ACAD8: variants seen among roughly 807,000 people sequenced by gnomAD.
ACAD8 encodes isobutyryl-CoA dehydrogenase, mitochondrial.
A neutral mutation model predicts 53.1 loss-of-function variants in ACAD8; 47 were observed. The ratio of observed to expected loss-of-function variants is 0.89; its 90% CI spans 0.70 to 1.13. The LOEUF is 1.13. Among genes scored for constraint, ACAD8 ranks in the 50% most tolerant of loss-of-function variants. ACAD8 has a pLI of 0.00. For synonymous variants in ACAD8, 198 were observed against 201.3 expected (o/e 0.98, Z 0.14); for missense variants, 494 against 535.0 (o/e 0.92, Z 0.76).
rs1344518491 is a variant in ACAD8 at position 134,253,614 on chromosome 11, G to A, written c.14G>A (p.Gly5Asp). ...GCTGCGGCGGCTATGCTGTGGAGCGGCTGCCGGCGTTTCGGGGCGCGCCTC... is the reference window on the plus strand; with the variant it reads ...GCTGCGGCGGCTATGCTGTGGAGCGACTGCCGGCGTTTCGGGGCGCGCCTC... MLWS[G>D]CRRFGARLGC... The change falls in exon 1 of 11, where the codon GGC becomes GAC. Residue 5 changes from glycine to aspartate, a missense_variant. Gly to Asp is a moderately conservative substitution (Grantham distance 94). Coordinates refer to ENST00000281182, the MANE Select transcript of ACAD8 (RefSeq NM_014384.3). 3 of 1,580,882 alleles carry A rather than the reference G, an allele frequency of 1.9e-6. No individual in the cohort carries two copies. The highest frequency in any genetic ancestry group is 1.3e-5 in the African/African-American group (1 of 74,338).
chr11:134,258,238 T>C (rs1473052971), intron 3 of ACAD8: 2 of 494,348 alleles, frequency 4.0e-6, no homozygotes, highest in African/African-American at 3.9e-5. Context: ...CATATAACTC[T>C]GATTTTTAGA....
intron 6 of ACAD8, chr11:134,260,707 T>C (rs1939824736): frequency 5.3e-6 from 2 of 378,494 alleles, no homozygotes; most frequent in Middle Eastern, 8.9e-4. Context: ...AACTGGGAGA[T>C]TGTAGATAGT....
rs200508056 is a variant in ACAD8, at chr11:134,257,068, C to T, written c.211-20C>T. ...GTCTCTGAATCAGCTGCTGATCACC[C>T]TGCTCTCTTTTGTACATAGGAGCTG... is the stretch of plus-strand genomic sequence containing the variant. On this transcript the variant is annotated intron_variant, in intron 2 of 10. Transcript: ENST00000281182. The T allele has an allele frequency of 1.4e-3, 2,321 of 1,613,992 alleles. 3 individuals carry two copies. Among genetic ancestry groups the T allele is most frequent in the Non-Finnish European group, 1.9e-3 (2,192 of 1,179,984 alleles).
At chr11:134,257,055 GCTGCTGATCACC>G (rs1475760271) in intron 2 of ACAD8, 21 bp from the exon 3 acceptor site, 1 of 1,613,678 alleles carries the variant, frequency 6.2e-7, no homozygotes, top group African/African-American at 1.3e-5. Context: ...CTCTGAATCA[GCTGCTGATCACC>G]CTGCTCTCTT....
At chr11:134,258,410 T>A in intron 3 of ACAD8, 105 bp from the exon 4 acceptor site, 1 of 771,476 alleles carries the variant, frequency 1.3e-6, no homozygotes, top group Non-Finnish European at 2.3e-6. Flanking sequence ...TCTTCTGCTT[T>A]ACTCCACTGC....
Position 134,258,534 on chromosome 11 carries a change from G to T in ACAD8, c.400G>T (p.Asp134Tyr), listed in dbSNP as rs367857040. The change falls in exon 4 of 11, where the codon GAT becomes TAT. Residue 134 changes from aspartate (D) to tyrosine (Y), a missense_variant. Asp to Tyr is a radical substitution (Grantham distance 160). Transcript: ENST00000281182. ...TATCAGCATGTGTGCCTGGATGATT[G>T]ATAGCTTCGGAAATGAGGAACAGAG... ...SIHNMCAWMI[D>Y]SFGNEEQRHK... 9 of 1,613,152 alleles carry T rather than the reference G, an allele frequency of 5.6e-6. No homozygotes were observed. In the African/African-American group the frequency reaches 1.1e-4, roughly 19 times the overall value.
chr11:134,258,390 C>G, intron 3 of ACAD8, 125 bp from the exon 4 acceptor site: 1 of 719,962 alleles, frequency 1.4e-6, no homozygotes, highest in African/African-American at 1.7e-5. Context: ...TGTGACTCTC[C>G]CCTTCCCACT....
rs1421940404 is a variant in ACAD8, at chr11:134,259,744, A to C, written c.704A>C (p.Lys235Thr). Reference protein sequence around the residue: ...PGLSFGKKEKKVGWNSQPTRA... With the variant: ...PGLSFGKKEKTVGWNSQPTRA... ...CTCAGCTTTGGCAAGAAGGAGAAAAAGGTGAGTGGCTGTTGGACAGGAAAC... is the reference window on the plus strand; with the variant it reads ...CTCAGCTTTGGCAAGAAGGAGAAAACGGTGAGTGGCTGTTGGACAGGAAAC... The change falls in exon 6 of 11, where the codon AAG becomes ACG. Residue 235 changes from lysine (K) to threonine (T), a missense_variant and splice_region_variant. Coordinates refer to ENST00000281182, the MANE Select transcript of ACAD8 (RefSeq NM_014384.3). 14 of 1,614,054 alleles carry C rather than the reference A, an allele frequency of 8.7e-6. No individual in the cohort carries two copies. The highest frequency in any genetic ancestry group is 1.2e-5 in the Non-Finnish European group (14 of 1,180,036).
At chr11:134,263,473 G>A (rs1940024011) in intron 10 of ACAD8, 1 of 984,616 alleles carries the variant, frequency 1.0e-6, no homozygotes, top group Non-Finnish European at 1.2e-6. Flanking sequence ...AAGTCTTCAA[G>A]TGAGGCTGCC....
intron 1 of ACAD8, among the ~76,000 whole-genome samples, chr11:134,255,523 C>T (rs896197134): frequency 6.6e-6 from 1 of 152,210 alleles, no homozygotes; most frequent in African/African-American, 2.4e-5. Context: ...GAGCCATGGT[C>T]TACAGTAACA....
intron 3 of ACAD8, 113 bp from the exon 4 acceptor site, chr11:134,258,402 T>C: frequency 1.3e-6 from 1 of 747,998 alleles, no homozygotes; most frequent in Non-Finnish European, 2.4e-6. Flanking sequence ...CTTCCCACTC[T>C]TCTGCTTTAC....
chr11:134,257,703 C>T (rs1939627080), intron 3 of ACAD8: 1 of 265,360 alleles, frequency 3.8e-6, no homozygotes, highest in African/African-American at 2.2e-5. Context: ...TAAGTACACG[C>T]TAGGTCTGTT....
chr11:134,259,814 T>C, intron 6 of ACAD8, 69 bp downstream of exon 6: 2 of 1,611,738 alleles, frequency 1.2e-6, no homozygotes, highest in Non-Finnish European at 8.5e-7. Context: ...CAACTCCTGC[T>C]CTATTTCAGA....
rs1939451014 is a variant in ACAD8, at chr11:134,255,279, G to A, written c.110-1269G>A. Among the ~76,000 whole-genome samples the A allele has an allele frequency of 2.0e-5, 3 of 152,218 alleles. No individual in the cohort carries two copies. In the South Asian group the frequency reaches 6.2e-4, roughly 32 times the overall value. ...AGCCTCCCAAGTAGCTGGGATTACA[G>A]CACATGCCACCATGCCCAGCTAATT... On this transcript the variant is annotated intron_variant, in intron 1 of 10. Coordinates refer to ENST00000281182, the MANE Select transcript of ACAD8 (RefSeq NM_014384.3).
rs1245553838 is a variant in ACAD8 at position 134,261,258 on chromosome 11, G to C, written c.842-17G>C. On this transcript the variant is annotated splice_polypyrimidine_tract_variant and intron_variant, in intron 7 of 10. Coordinates refer to ENST00000281182, the MANE Select transcript of ACAD8 (RefSeq NM_014384.3). The surrounding 1 kb of genome is among the most constrained non-coding windows in gnomAD (Gnocchi z 4.2). The stretch of plus-strand genomic sequence containing the variant: ...GTTTTCCAGCTTGGTTGGAACGTCG[G>C]CGCTCTTCCCCTCTAGCTTCCTGCT... 6.2e-7 allele frequency: 1 copy of C among 1,613,904 alleles called. No individual in the cohort carries two copies. The highest frequency in any genetic ancestry group is 1.3e-5 in the African/African-American group (1 of 74,890).
chr11:134,260,170 T>C (rs937491580), intron 6 of ACAD8: 5 of 1,143,146 alleles, frequency 4.4e-6, no homozygotes, highest in Non-Finnish European at 5.4e-6. Flanking sequence ...TTGGAGATGA[T>C]TGTGGGTATT....
chr11:134,259,835 G>T, intron 6 of ACAD8, 90 bp downstream of exon 6: 1 of 1,600,622 alleles, frequency 6.2e-7, no homozygotes. Context: ...AAACAGGTTT[G>T]CATACTTGCT....
rs758328658 is a variant in ACAD8 at position 134,259,692 on chromosome 11, A to T, written c.652A>T (p.Ile218Leu). The T allele has an allele frequency of 6.2e-7, 1 of 1,614,194 alleles. No homozygotes were observed. The highest frequency in any genetic ancestry group is 1.1e-5 in the South Asian group (1 of 91,086). ...ACCAGGCCCCAAGGGCATCTCATGC[A>T]TAGTTGTTGAGAAGGGGACCCCTGG... is the stretch of plus-strand genomic sequence containing the variant. ...GGPGPKGISC[I>L]VVEKGTPGLS... The change falls in exon 6 of 11, where the codon ATA becomes TTA. Residue 218 changes from isoleucine (I) to leucine (L), a missense_variant. Coordinates refer to ENST00000281182, the MANE Select transcript of ACAD8 (RefSeq NM_014384.3).
In ACAD8 at chr11:134,261,446, A is replaced by G; in HGVS notation, c.939+74A>G. Reference sequence around the variant, plus strand: ...GACCTGCTCTAGGGCCCACATTTCCAGGAGAGAAGCCAGGAAATTCCTCTG... The same window carrying G: ...GACCTGCTCTAGGGCCCACATTTCCGGGAGAGAAGCCAGGAAATTCCTCTG... On this transcript the variant is annotated intron_variant, in intron 8 of 10. Coordinates refer to ENST00000281182, the MANE Select transcript of ACAD8 (RefSeq NM_014384.3). This position sits in a 1 kb window ranked among gnomAD's most constrained non-coding sequence, Gnocchi z 4.2. 2 of 1,561,652 alleles carry G rather than the reference A, an allele frequency of 1.3e-6. No homozygotes were observed. The highest frequency in any genetic ancestry group is 1.8e-6 in the Non-Finnish European group (2 of 1,133,828).
Sources: gnomAD v4.1 joint callset for allele counts (sites outside exome capture counted in the v4.1 genomes callset) on GRCh38, gnomAD v4.1.1 for gene constraint, Gnocchi (gnomAD v3.1) non-coding constraint, MANE v1.5 for transcripts, NCBI Gene and HGNC (gene_info 2026-07-23, HGNC 2026-07-21) for gene names.